ANO4: variants seen among roughly 807,000 people sequenced by gnomAD.
ANO4 encodes the protein anoctamin 4.
Under a neutral mutation model 141.9 loss-of-function variants are expected in ANO4, and 69 were observed. The observed-to-expected ratio is 0.49, with a 90% confidence interval of 0.40 to 0.59. The LOEUF is 0.59. Among genes scored for constraint, ANO4 ranks in the 20% least tolerant of loss-of-function variants. ANO4 has a pLI of 0.00. For missense variants in ANO4, 894 were observed against 1,162.2 expected (o/e 0.77, Z 3.36); for synonymous variants, 350 against 394.3 (o/e 0.89, Z 1.33).
At chr12:100,891,484 G>A (rs1423308539) in intron 1 of ANO4, among the ~76,000 whole-genome samples, 1 of 152,122 alleles carries the variant, frequency 6.6e-6, no homozygotes, top group Non-Finnish European at 1.5e-5. Flanking sequence ...GCCATCATTT[G>A]ATGTTGTTGG....
chr12:100,957,230 G>A (rs1013676148), intron 5 of ANO4, among the ~76,000 whole-genome samples: 2 of 152,194 alleles, frequency 1.3e-5, no homozygotes, highest in African/African-American at 4.8e-5. Context: ...CATGGCAGAA[G>A]GTCAAAGTGG....
At chr12:101,121,740 G>A (rs1316074474) in intron 26 of ANO4, among the ~76,000 whole-genome samples, 1 of 132,876 alleles carries the variant, frequency 7.5e-6, no homozygotes, top group Non-Finnish European at 1.6e-5. Flanking sequence ...GCCAGCATCT[G>A]TTAATTTGTT....
In ANO4 at chr12:100,982,246, G is replaced by A. The variant is rs189216529; in HGVS notation, c.603-5293G>A. On this transcript the variant is annotated intron_variant, in intron 7 of 27. Coordinates refer to ENST00000392977, the MANE Select transcript of ANO4 (RefSeq NM_001286615.2). ...GTAAATAGCAAAAATGGAACAAAGT[G>A]ACAACATACCCAACCAAAATCAATG... Among the ~76,000 whole-genome samples the A allele has an allele frequency of 1.1e-4, 17 of 152,274 alleles. No individual in the cohort carries two copies. The East Asian group carries it at 2.3e-3, about 21-fold the overall frequency.
At chr12:100,921,917 G>T (rs1437885611) in intron 2 of ANO4, among the ~76,000 whole-genome samples, 1 of 152,064 alleles carries the variant, frequency 6.6e-6, no homozygotes, top group Non-Finnish European at 1.5e-5. Flanking sequence ...ATATCCTTAG[G>T]TAGAGGCTAT....
At chr12:100,846,364 G>A (rs2037559857) in intron 1 of ANO4, among the ~76,000 whole-genome samples, 1 of 152,122 alleles carries the variant, frequency 6.6e-6, no homozygotes, top group Admixed American at 6.6e-5. Flanking sequence ...ATAACAGAAA[G>A]AACTTGTGTA....
At chr12:100,987,133 C>G (rs563494300) in intron 7 of ANO4, 2 of 164,160 alleles carry the variant, frequency 1.2e-5, no homozygotes, top group Non-Finnish European at 2.7e-5. Context: ...AGCTAGAGCT[C>G]TTCTCTGACC....
In ANO4 at chr12:101,120,637, C is replaced by T. The variant is rs145423577; in HGVS notation, c.2676+12C>T. On this transcript the variant is annotated intron_variant, in intron 26 of 27. Coordinates refer to ENST00000392977, the MANE Select transcript of ANO4 (RefSeq NM_001286615.2). Reference sequence around the variant, plus strand: ...TCATTGTCTTTGAGGTAAGTTTCCTCAGCCAAATTCTTTATTTCCTTTGAC... The same window carrying T: ...TCATTGTCTTTGAGGTAAGTTTCCTTAGCCAAATTCTTTATTTCCTTTGAC... 1.4e-5 allele frequency: 23 copies of T among 1,600,196 alleles called. No homozygotes were observed. In the East Asian group the frequency reaches 4.9e-4, roughly 34 times the overall value.
chr12:101,046,585 T>G (rs1250752408), intron 13 of ANO4, among the ~76,000 whole-genome samples: 1 of 152,232 alleles, frequency 6.6e-6, no homozygotes, highest in African/African-American at 2.4e-5. Flanking sequence ...TTTTGTGTTT[T>G]GTTAGTTCCT....
intron 3 of ANO4, among the ~76,000 whole-genome samples, chr12:100,766,064 C>T (rs1269378563): frequency 6.6e-6 from 1 of 152,088 alleles, no homozygotes; most frequent in African/African-American, 2.4e-5. Context: ...ATTTTACTCC[C>T]TGTTTCTATG....
chr12:100,945,077 T>C (rs895897009), intron 5 of ANO4, among the ~76,000 whole-genome samples: 4 of 152,188 alleles, frequency 2.6e-5, no homozygotes, highest in African/African-American at 9.6e-5. Context: ...CTTGTATATC[T>C]GAAACGTTTG....
At chr12:100,795,152 G>T (rs1472992456) in intron 1 of ANO4, 125 bp downstream of exon 1, 1 of 152,688 alleles carries the variant, frequency 6.5e-6, no homozygotes, top group Non-Finnish European at 1.5e-5. Context: ...GATCTTGTCT[G>T]GGATGATCCA....
intron 2 of ANO4, among the ~76,000 whole-genome samples, chr12:100,903,928 T>A (rs1593701868): frequency 6.6e-6 from 1 of 152,242 alleles, no homozygotes; most frequent in Non-Finnish European, 1.5e-5. Flanking sequence ...AGTATATCAA[T>A]GTGCTTTCAC....
intron 15 of ANO4, 64 bp downstream of exon 15, chr12:101,079,339 C>G (rs923556673): frequency 2.1e-5 from 28 of 1,350,538 alleles, no homozygotes; most frequent in African/African-American, 2.0e-4. Flanking sequence ...CGACCCCCCC[C>G]CAAAATTGTC....
chr12:101,061,990 G>T (rs1005097445), intron 14 of ANO4, among the ~76,000 whole-genome samples: 3 of 152,068 alleles, frequency 2.0e-5, no homozygotes. Flanking sequence ...CAGCCTTTTT[G>T]TGCTGTTTTT....
At chr12:100,808,521 AG>A (rs1252900252) in intron 1 of ANO4, among the ~76,000 whole-genome samples, 3 of 152,236 alleles carry the variant, frequency 2.0e-5, no homozygotes, top group African/African-American at 7.2e-5. Flanking sequence ...GTCGTCACAC[AG>A]GGTATATGTT....
chr12:100,732,130 A>G (rs1468011577), intron 1 of ANO4, among the ~76,000 whole-genome samples: 2 of 152,198 alleles, frequency 1.3e-5, no homozygotes, highest in Non-Finnish European at 2.9e-5. Flanking sequence ...GCTGGATGGT[A>G]TGGTAAGAGT....
At chr12:100,971,202 A>G (rs2043919527) in intron 5 of ANO4, 104 bp from the exon 6 acceptor site, 2 of 704,082 alleles carry the variant, frequency 2.8e-6, no homozygotes, top group African/African-American at 1.8e-5. Context: ...GAATGCCCCA[A>G]ATCATAAACT....
intron 8 of ANO4, among the ~76,000 whole-genome samples, chr12:101,004,522 C>T (rs1357246395): frequency 1.3e-5 from 2 of 152,178 alleles, no homozygotes; most frequent in African/African-American, 2.4e-5. Context: ...TCCAGTCTCC[C>T]TCTCATGCCC....
intron 2 of ANO4, among the ~76,000 whole-genome samples, chr12:100,739,073 C>A (rs907756482): frequency 5.5e-5 from 8 of 144,948 alleles, no homozygotes; most frequent in African/African-American, 2.0e-4. Context: ...TTATATATAT[C>A]TAAATCTTTA....
Sources: allele counts gnomAD v4.1 joint callset (sites outside exome capture counted in the v4.1 genomes callset), GRCh38; gene constraint gnomAD v4.1.1; transcripts MANE v1.5; gene names NCBI Gene and HGNC (gene_info 2026-07-23, HGNC 2026-07-21).